KIF1B: variants seen among roughly 807,000 people sequenced by gnomAD.
The protein encoded by KIF1B is kinesin-like protein KIF1B.
Under a neutral mutation model 241.9 loss-of-function variants are expected in KIF1B, and 76 were observed. The observed-to-expected ratio is 0.31, with a 90% CI of 0.26 to 0.38. The LOEUF (loss-of-function observed/expected upper bound fraction) is 0.38. Among genes scored for constraint, KIF1B ranks in the 10% least tolerant of loss-of-function variants. KIF1B has a pLI of 1.00. For missense variants in KIF1B, 1,622 were observed against 2,271.4 expected (o/e 0.71, Z 5.81); for synonymous variants, 750 against 796.7 (o/e 0.94, Z 0.99).
intron 1 of KIF1B, among the ~76,000 whole-genome samples, chr1:10,221,385 A>G (rs115498581): frequency 6.6e-6 from 1 of 152,134 alleles, no homozygotes; most frequent in South Asian, 2.1e-4. Flanking sequence ...GGCATGAGCT[A>G]TTGCGCCCGG....
At chr1:10,308,662 G>C (rs1368243492) in intron 22 of KIF1B, 3 of 1,000,102 alleles carry the variant, frequency 3.0e-6, no homozygotes, top group South Asian at 4.7e-5. Flanking sequence ...ACTAAACCTG[G>C]TTTTGACTTT....
At chr1:10,274,121 A>G (rs1418345112) in intron 10 of KIF1B, among the ~76,000 whole-genome samples, 1 of 151,838 alleles carries the variant, frequency 6.6e-6, no homozygotes, top group Non-Finnish European at 1.5e-5. Flanking sequence ...TATTTTTAGT[A>G]GAGATGGGGT....
chr1:10,369,720 G>A (rs1038582563), intron 44 of KIF1B, among the ~76,000 whole-genome samples: 6 of 152,214 alleles, frequency 3.9e-5, no homozygotes, highest in Non-Finnish European at 5.9e-5. Context: ...ATCACCTGAG[G>A]TCGGGAGTTT....
chr1:10,371,150 A>C lies in KIF1B; in HGVS notation c.4834A>C (p.Ile1612Leu). ...TTCGGTTTGCTTCCAGTTGTCTGAT[A>C]TCTCTCCAATTGGACGGGATCCCTC... ...GSVSDCKLSD[I>L]SPIGRDPSES... Residue 1612 changes from isoleucine to leucine, a missense_variant, in exon 45 of 49, where the codon ATC (isoleucine) becomes CTC (leucine). Transcript: ENST00000676179. The C allele has an allele frequency of 1.9e-6, 3 of 1,614,044 alleles. No individual in the cohort carries two copies. The highest frequency in any genetic ancestry group is 2.5e-6 in the Non-Finnish European group (3 of 1,180,006).
At chr1:10,315,483 T>C (rs1002949675) in intron 22 of KIF1B, among the ~76,000 whole-genome samples, 3 of 151,354 alleles carry the variant, frequency 2.0e-5, no homozygotes, top group African/African-American at 7.4e-5. Flanking sequence ...GCCAGGAATA[T>C]TCTCCTAATA....
intron 1 of KIF1B, among the ~76,000 whole-genome samples, chr1:10,228,942 A>T (rs900810929): frequency 9.2e-5 from 14 of 152,216 alleles, no homozygotes; most frequent in African/African-American, 2.4e-4. Flanking sequence ...CTGGGAGAAT[A>T]CTGTTGATAG....
intron 31 of KIF1B, among the ~76,000 whole-genome samples, chr1:10,339,105 C>T (rs1016242403): frequency 2.6e-5 from 4 of 151,828 alleles, no homozygotes; most frequent in East Asian, 1.9e-4. Flanking sequence ...AGAGAGAGAA[C>T]GATAACATCT....
chr1:10,380,204 T>C lies in KIF1B; in HGVS notation c.*3617T>C. On this transcript the variant is annotated 3_prime_UTR_variant, in exon 49 of 49. Coordinates refer to ENST00000676179, the MANE Select transcript of KIF1B (RefSeq NM_001365951.3). ...TACAGGGATATTTAATTTTGTCAGG[T>C]CTATGTATATTTATCCAGCTATACT... 1 of 214,734 alleles carries C rather than the reference T, an allele frequency of 4.7e-6. No individual in the cohort carries two copies. Among genetic ancestry groups the C allele is most frequent in the East Asian group, 7.0e-5 (1 of 14,324 alleles). The allele number at this position is 214,734 out of a possible 1,614,324, so 13.3% of individuals were successfully genotyped here.
intron 22 of KIF1B, among the ~76,000 whole-genome samples, chr1:10,300,082 C>A (rs1016889399): frequency 7.9e-5 from 12 of 151,628 alleles, no homozygotes; most frequent in Non-Finnish European, 1.3e-4. Context: ...ACTGAAAATA[C>A]AAAAATTAGC....
chr1:10,328,505 T>C (rs1487657267), intron 27 of KIF1B, among the ~76,000 whole-genome samples: 1 of 152,234 alleles, frequency 6.6e-6, no homozygotes, highest in East Asian at 1.9e-4. Flanking sequence ...AGAAGCTGAT[T>C]TTTATTAAAA....
chr1:10,374,768 G>C lies in KIF1B; in HGVS notation c.5097-86G>C. 2 of 1,273,762 alleles carry C rather than the reference G, an allele frequency of 1.6e-6. No individual in the cohort carries two copies. Among genetic ancestry groups the C allele is most frequent in the South Asian group, 2.4e-5 (2 of 82,154 alleles). The allele number at this position is 1,273,762 out of a possible 1,614,324, so 78.9% of individuals were successfully genotyped here. On this transcript the variant is annotated intron_variant, in intron 46 of 48. Transcript: ENST00000676179. This position sits in a 1 kb window ranked among gnomAD's most constrained non-coding sequence, Gnocchi z 4.3. ...CTGTTTCATCGAATCTAAGGACTTG[G>C]CCTAAGTGTGGCGTATTTTGATGGT...
chr1:10,267,464 C>G lies in KIF1B; in HGVS notation c.514C>G (p.Pro172Ala). The G allele has an allele frequency of 6.2e-7, 1 of 1,614,096 alleles. No individual in the cohort carries two copies. The highest frequency in any genetic ancestry group is 1.6e-4 in the Middle Eastern group (1 of 6,062). ...GGGTAATTTGCGTGTGCGTGAACAC[C>G]CACTTCTTGGACCCTATGTGGAGGA... ...NKGNLRVREH[P>A]LLGPYVEDLS... Residue 172 changes from proline (P) to alanine (A), a missense_variant, in exon 6 of 49, where the codon CCA becomes GCA. Coordinates refer to ENST00000676179, the MANE Select transcript of KIF1B (RefSeq NM_001365951.3).
chr1:10,330,120 C>A (rs1354691005), intron 27 of KIF1B, among the ~76,000 whole-genome samples: 1 of 152,132 alleles, frequency 6.6e-6, no homozygotes, highest in East Asian at 1.9e-4. Context: ...CTCTCTCATC[C>A]CTGTTCTCCT....
Position 10,365,417 on chromosome 1 carries a change from A to G in KIF1B, c.4521A>G (p.Lys1507=). The G allele has an allele frequency of 6.2e-7, 1 of 1,614,036 alleles. No homozygotes were observed. Among genetic ancestry groups the G allele is most frequent in the Non-Finnish European group, 8.5e-7 (1 of 1,180,000 alleles). The change falls in exon 43 of 49, where the codon AAA becomes AAG. Residue 1507 remains lysine (K), a synonymous_variant. Coordinates refer to ENST00000676179, the MANE Select transcript of KIF1B (RefSeq NM_001365951.3). This position sits in a 1 kb window ranked among gnomAD's most constrained non-coding sequence, Gnocchi z 4.0. The part of the protein sequence containing the change: ...EKLELLHEVE[K]TRHFLLLRER... ...AGTATTGATCTTCTCAGGTGGAAAA[A>G]ACCCGCCACTTTTTGCTGCTGCGTG... is the stretch of plus-strand genomic sequence containing the variant.
In KIF1B at chr1:10,337,125, T is replaced by C; in HGVS notation, c.3181T>C (p.Leu1061=). The stretch of plus-strand genomic sequence containing the variant: ...TCGTTCTGGTCTGTCCTTGGAGGAG[T>C]TGAGGATTGTGGAAGGACAGGGTCA... ...MTRSGLSLEE[L]RIVEGQGQSS... is the part of the protein sequence containing the mutation. The change falls in exon 30 of 49, where the codon TTG becomes CTG. Residue 1061 remains leucine (L), a synonymous_variant. Coordinates refer to ENST00000676179, the MANE Select transcript of KIF1B (RefSeq NM_001365951.3). This position sits in a 1 kb window ranked among gnomAD's most constrained non-coding sequence, Gnocchi z 4.0. 2 of 1,613,966 alleles carry C rather than the reference T, an allele frequency of 1.2e-6. No homozygotes were observed. The highest frequency in any genetic ancestry group is 2.2e-5 in the East Asian group (1 of 44,880).
At chr1:10,333,609 G>A (rs974196992) in intron 27 of KIF1B, among the ~76,000 whole-genome samples, 4 of 150,434 alleles carry the variant, frequency 2.7e-5, no homozygotes, top group Non-Finnish European at 4.4e-5. Context: ...GGAGAGTGGC[G>A]TGAACCTGGG....
In KIF1B at chr1:10,345,729, C is replaced by T; in HGVS notation, c.3689-116C>T. 5.3e-6 allele frequency: 4 copies of T among 761,124 alleles called. No individual in the cohort carries two copies. The Admixed American group carries it at 8.3e-5, about 16-fold the overall frequency. 47.1% of individuals were successfully genotyped at this position (761,124 alleles called of 1,614,324 possible). On this transcript the variant is annotated intron_variant, in intron 34 of 48. Coordinates refer to ENST00000676179, the MANE Select transcript of KIF1B (RefSeq NM_001365951.3). ...TGGGTCTTTTGCATTGAAATCTTTC[C>T]TCTGACTCTTGCTGCCTTTCCCAAG...
intron 34 of KIF1B, among the ~76,000 whole-genome samples, chr1:10,344,476 A>G (rs539646100): frequency 4.6e-5 from 7 of 152,316 alleles, no homozygotes; most frequent in Non-Finnish European, 7.4e-5. Flanking sequence ...GCTTCTCTAC[A>G]TGTGCCTCTT....
intron 48 of KIF1B, among the ~76,000 whole-genome samples, chr1:10,375,786 G>GTTTTTTTTTTTTTTTTTTTTTTT (rs201620952): frequency 1.4e-5 from 1 of 69,566 alleles, no homozygotes; most frequent in Non-Finnish European, 2.6e-5. Context: ...TTCTTTTCTT[G>GTTTTTTTTTTTTTTTTTTTTTTT]TTTTTTTTTT....
Sources: allele counts gnomAD v4.1 joint callset (sites outside exome capture counted in the v4.1 genomes callset), GRCh38; gene constraint gnomAD v4.1.1; non-coding constraint Gnocchi (gnomAD v3.1); transcripts MANE v1.5; gene names NCBI Gene and HGNC (gene_info 2026-07-23, HGNC 2026-07-21).